ZNF804B: variants seen among roughly 807,000 people sequenced by gnomAD.
ZNF804B encodes the protein zinc finger protein 804B, also known as zinc finger 804B.
In ZNF804B, 80 loss-of-function variants were observed where a neutral mutation model predicts 101.4. The ratio of observed to expected loss-of-function variants is 0.79; its 90% CI spans 0.66 to 0.95. The LOEUF (loss-of-function observed/expected upper bound fraction) is 0.95, where lower values mean the gene tolerates loss of function less well. Among genes scored for constraint, ZNF804B ranks in the 40% least tolerant of loss-of-function variants. The pLI, the probability that ZNF804B is intolerant of heterozygous loss-of-function variation, is 0.00. For synonymous variants in ZNF804B, 622 were observed against 558.8 expected (o/e 1.11, Z -1.59); for missense variants, 1,673 against 1,561.9 (o/e 1.07, Z -1.20).
In ZNF804B at chr7:88,854,402, T is replaced by TCTTTCTTC. The variant is rs1554340129; in HGVS notation, c.108+94325_108+94326insCCTTTCTT. Among the ~76,000 whole-genome samples, 43 of 130,380 alleles carry TCTTTCTTC rather than the reference T, an allele frequency of 3.3e-4. 1 individual carries two copies. The highest frequency in any genetic ancestry group is 1.3e-3 in the South Asian group (5 of 3,918). The allele number at this position is 130,380 out of a possible 152,430, so 85.5% of individuals were successfully genotyped here. Reference sequence around the variant, plus strand: ...TCTGTACTGCATTTCTTTCTTTCTTTCTTTCTTTCTTCCTTTCTTTCTTTC... The same window carrying TCTTTCTTC: ...TCTGTACTGCATTTCTTTCTTTCTTTCTTTCTTCCTTTCTTTCTTCCTTTCTTTCTTTC... On this transcript the variant is annotated intron_variant, in intron 1 of 3. Coordinates refer to ENST00000333190, the MANE Select transcript of ZNF804B (RefSeq NM_181646.5).
intron 1 of ZNF804B, among the ~76,000 whole-genome samples, chr7:88,918,873 C>T (rs2115992569): frequency 6.6e-6 from 1 of 152,172 alleles, no homozygotes; most frequent in Middle Eastern, 3.4e-3. Flanking sequence ...AATCCTCTGA[C>T]TATATTTCTT....
At chr7:89,132,798 A>G (rs1265598337) in intron 1 of ZNF804B, among the ~76,000 whole-genome samples, 1 of 152,068 alleles carries the variant, frequency 6.6e-6, no homozygotes, top group Non-Finnish European at 1.5e-5. Flanking sequence ...GCCACTTGTT[A>G]TAGACTAACT....
intron 1 of ZNF804B, among the ~76,000 whole-genome samples, chr7:89,087,471 A>T (rs892772104): frequency 6.6e-6 from 1 of 152,034 alleles, no homozygotes; most frequent in Non-Finnish European, 1.5e-5. Flanking sequence ...AACATTAATA[A>T]CACATAAATA....
At chr7:88,812,578 C>T (rs893960040) in intron 1 of ZNF804B, among the ~76,000 whole-genome samples, 2 of 152,142 alleles carry the variant, frequency 1.3e-5, no homozygotes, top group Non-Finnish European at 2.9e-5. Context: ...TTTATACCAG[C>T]ACTATTCACA....
intron 1 of ZNF804B, among the ~76,000 whole-genome samples, chr7:88,824,891 A>G (rs1466790669): frequency 6.6e-6 from 1 of 152,234 alleles, no homozygotes; most frequent in Non-Finnish European, 1.5e-5. Flanking sequence ...AAGGAAGTTT[A>G]GAATAAATAG....
intron 1 of ZNF804B, among the ~76,000 whole-genome samples, chr7:88,926,021 G>T (rs1170220218): frequency 6.6e-6 from 1 of 152,130 alleles, no homozygotes; most frequent in Non-Finnish European, 1.5e-5. Flanking sequence ...GTACTAGAAA[G>T]AAATGGATTT....
chr7:88,949,974 C>T (rs551007604), intron 1 of ZNF804B, among the ~76,000 whole-genome samples: 2 of 152,008 alleles, frequency 1.3e-5, no homozygotes, highest in African/African-American at 4.8e-5. Context: ...CCTAACAATG[C>T]GTTTCTCAGA....
intron 1 of ZNF804B, among the ~76,000 whole-genome samples, chr7:88,824,377 C>T (rs1583959914): frequency 6.6e-6 from 1 of 152,132 alleles, no homozygotes; most frequent in South Asian, 2.1e-4. Context: ...TTTCTCCTTG[C>T]TGCCTCCATG....
At chr7:89,043,697 A>G (rs1789054533) in intron 1 of ZNF804B, among the ~76,000 whole-genome samples, 1 of 152,210 alleles carries the variant, frequency 6.6e-6, no homozygotes, top group African/African-American at 2.4e-5. Context: ...ATTTAAAAGC[A>G]CTATGTGGTT....
intron 1 of ZNF804B, among the ~76,000 whole-genome samples, chr7:88,861,148 G>A (rs956956701): frequency 6.6e-6 from 1 of 152,242 alleles, no homozygotes; most frequent in Non-Finnish European, 1.5e-5. Flanking sequence ...ACATAAAGAT[G>A]AATGAGACAC....
chr7:88,971,548 C>T (rs764174935), intron 1 of ZNF804B, among the ~76,000 whole-genome samples: 2 of 151,650 alleles, frequency 1.3e-5, no homozygotes, highest in Admixed American at 6.6e-5. Context: ...AAATAATTAT[C>T]TGCAGAATAA....
intron 1 of ZNF804B, among the ~76,000 whole-genome samples, chr7:88,776,555 G>GTTTTTTTTTTT (rs10630362): frequency 9.4e-6 from 1 of 106,456 alleles, no homozygotes; most frequent in African/African-American, 3.3e-5. Context: ...TTCTCGTGGT[G>GTTTTTTTTTTT]TTTTGTTTTT....
chr7:89,180,177 T>A (rs992724194), intron 1 of ZNF804B, among the ~76,000 whole-genome samples: 1 of 152,094 alleles, frequency 6.6e-6, no homozygotes, highest in East Asian at 1.9e-4. Context: ...TTATTCAAGG[T>A]CCAAGGGCTC....
At chr7:89,288,376 T>G (rs1361042159) in intron 2 of ZNF804B, among the ~76,000 whole-genome samples, 2 of 152,078 alleles carry the variant, frequency 1.3e-5, no homozygotes, top group South Asian at 4.1e-4. Flanking sequence ...ATTTTTCAAA[T>G]CTGATAAAAT....
chr7:89,313,998 C>T (rs992787746), intron 2 of ZNF804B, among the ~76,000 whole-genome samples: 1 of 152,056 alleles, frequency 6.6e-6, no homozygotes, highest in African/African-American at 2.4e-5. Flanking sequence ...CTTTACATAC[C>T]TCTATTTCCC....
Position 88,926,950 on chromosome 7 carries a change from A to G in ZNF804B, c.108+166866A>G, listed in dbSNP as rs868070435. Among the ~76,000 whole-genome samples, 123 of 123,314 alleles carry G rather than the reference A, an allele frequency of 1.0e-3. 1 individual carries two copies. The East Asian group carries it at 0.018, about 18-fold the overall frequency. The allele number at this position is 123,314 out of a possible 152,430, so 80.9% of individuals were successfully genotyped here. On this transcript the variant is annotated intron_variant, in intron 1 of 3. Coordinates refer to ENST00000333190, the MANE Select transcript of ZNF804B (RefSeq NM_181646.5). The stretch of plus-strand genomic sequence containing the variant: ...CTGCCGGGTGGTGGGGAGCGGGGGG[A>G]AAGCTGTTCTGTAGTTTGTTGTACA...
chr7:89,098,629 CA>C (rs1032904045), intron 1 of ZNF804B, among the ~76,000 whole-genome samples: 1 of 151,940 alleles, frequency 6.6e-6, no homozygotes, highest in Non-Finnish European at 1.5e-5. Flanking sequence ...AACAAAGAAA[CA>C]AACAAAAAAC....
At chr7:89,024,703 C>T (rs1014114638) in intron 1 of ZNF804B, among the ~76,000 whole-genome samples, 3 of 139,508 alleles carry the variant, frequency 2.2e-5, no homozygotes, top group Admixed American at 1.5e-4. Flanking sequence ...AGAGAGTATC[C>T]AGTCCTTTAG....
At chr7:89,192,226 C>G (rs1300007346) in intron 1 of ZNF804B, among the ~76,000 whole-genome samples, 1 of 151,958 alleles carries the variant, frequency 6.6e-6, no homozygotes, top group Non-Finnish European at 1.5e-5. Flanking sequence ...TATCTATCAC[C>G]CTTGAGAGTT....
Sources: allele counts gnomAD v4.1 joint callset (sites outside exome capture counted in the v4.1 genomes callset), GRCh38; gene constraint gnomAD v4.1.1; transcripts MANE v1.5; gene names NCBI Gene and HGNC (gene_info 2026-07-23, HGNC 2026-07-21).